RIMS2: variants seen among roughly 807,000 people sequenced by gnomAD.
RIMS2 encodes regulating synaptic membrane exocytosis protein 2.
RIMS2 carries 59 observed loss-of-function variants against 174.4 expected under a neutral mutation model. The ratio of observed to expected loss-of-function variants is 0.34; its 90% confidence interval spans 0.27 to 0.42. The LOEUF is 0.42. Among genes scored for constraint, RIMS2 ranks in the 10% least tolerant of loss-of-function variants. The pLI is 1.00. For missense variants in RIMS2, 1,620 were observed against 1,666.3 expected (o/e 0.97, Z 0.48); for synonymous variants, 606 against 572.5 (o/e 1.06, Z -0.84).
chr8:103,564,735 A>T (rs1010483028), intron 1 of RIMS2, among the ~76,000 whole-genome samples: 1 of 152,208 alleles, frequency 6.6e-6, no homozygotes, highest in Admixed American at 6.5e-5. Flanking sequence ...AGCTGTGATT[A>T]GATGGTGCCC....
chr8:103,600,821 A>G (rs28790017), intron 1 of RIMS2, among the ~76,000 whole-genome samples: 27,722 of 152,122 alleles, frequency 0.18, 2,771 homozygotes, highest in African/African-American at 0.26. Flanking sequence ...CCCACAGTGT[A>G]TGAGGGTTCC....
At chr8:103,814,759 G>A (rs904574104) in intron 3 of RIMS2, among the ~76,000 whole-genome samples, 16 of 152,030 alleles carry the variant, frequency 1.1e-4, no homozygotes, top group African/African-American at 4.8e-5. Context: ...CACACCTATA[G>A]TCCTAGCTAC....
intron 19 of RIMS2, among the ~76,000 whole-genome samples, chr8:104,125,144 A>G (rs1308669814): frequency 1.3e-5 from 2 of 152,172 alleles, no homozygotes; most frequent in Non-Finnish European, 2.9e-5. Context: ...CTGCATACAT[A>G]TAAATCTGGA....
intron 4 of RIMS2, among the ~76,000 whole-genome samples, chr8:103,908,329 C>T (rs2074952221): frequency 6.6e-6 from 1 of 152,196 alleles, no homozygotes; most frequent in Admixed American, 6.5e-5. Context: ...GCGTGAGCCA[C>T]CATGCCTGGC....
chr8:103,610,993 A>G (rs1205436375), intron 1 of RIMS2, among the ~76,000 whole-genome samples: 2 of 152,182 alleles, frequency 1.3e-5, no homozygotes, highest in African/African-American at 4.8e-5. Context: ...TACTGATTCA[A>G]TTATCGAACT....
chr8:103,950,323 G>A (rs1275261083), intron 14 of RIMS2, among the ~76,000 whole-genome samples: 1 of 151,926 alleles, frequency 6.6e-6, no homozygotes, highest in African/African-American at 2.4e-5. Flanking sequence ...AAAGAAATCT[G>A]CAGACCAATA....
chr8:104,184,097 C>T (rs1215469043), intron 19 of RIMS2, among the ~76,000 whole-genome samples: 1 of 151,598 alleles, frequency 6.6e-6, no homozygotes, highest in Non-Finnish European at 1.5e-5. Context: ...GAACAATGTG[C>T]TATCTATGTC....
At chr8:103,901,115 A>G (rs547037353) in intron 4 of RIMS2, among the ~76,000 whole-genome samples, 2 of 152,068 alleles carry the variant, frequency 1.3e-5, no homozygotes, top group African/African-American at 2.4e-5. Flanking sequence ...CCTCTATTTC[A>G]GGCTCCTCTT....
chr8:103,515,699 A>T (rs1394891407), intron 1 of RIMS2, among the ~76,000 whole-genome samples: 1 of 152,068 alleles, frequency 6.6e-6, no homozygotes, highest in Non-Finnish European at 1.5e-5. Flanking sequence ...TGAATTTCAG[A>T]TTTTTCAGAA....
intron 1 of RIMS2, among the ~76,000 whole-genome samples, chr8:103,613,633 T>C (rs998585852): frequency 2.0e-5 from 3 of 152,178 alleles, no homozygotes; most frequent in African/African-American, 7.2e-5. Context: ...TATTTCACTA[T>C]AGCCACCGCA....
At chr8:104,020,717 A>G (rs1163930689) in intron 19 of RIMS2, among the ~76,000 whole-genome samples, 1 of 152,054 alleles carries the variant, frequency 6.6e-6, no homozygotes, top group Non-Finnish European at 1.5e-5. Flanking sequence ...AAAACATTTT[A>G]AAGTAGAAGT....
intron 12 of RIMS2, among the ~76,000 whole-genome samples, chr8:103,933,516 T>A (rs2080501104): frequency 6.6e-6 from 1 of 152,156 alleles, no homozygotes; most frequent in Non-Finnish European, 1.5e-5. Flanking sequence ...AAAGATGAAA[T>A]GGAAGCTCTT....
At chr8:103,878,515 T>C (rs1285198264) in intron 3 of RIMS2, among the ~76,000 whole-genome samples, 2 of 151,840 alleles carry the variant, frequency 1.3e-5, no homozygotes, top group Admixed American at 6.6e-5. Flanking sequence ...ATTGGAGATA[T>C]TGATCTCTAT....
rs1237448762 is a variant in RIMS2, at chr8:103,876,870, A to AT, written c.699-8427dup. 4.1e-4 allele frequency among the ~76,000 whole-genome samples: 8 copies of AT among 19,746 alleles called. 1 individual carries two copies. The highest frequency in any genetic ancestry group is 7.2e-4 in the Non-Finnish European group (7 of 9,730). The allele number at this position is 19,746 out of a possible 152,430, so 13.0% of individuals were successfully genotyped here. On this transcript the variant is annotated intron_variant, in intron 3 of 23. Coordinates refer to ENST00000504942, the Ensembl canonical transcript of RIMS2. ...TATACACACACACACTATTTTATATATATATATATATATATATATATATAT... is the reference window on the plus strand; with the variant it reads ...TATACACACACACACTATTTTATATATTATATATATATATATATATATATAT...
chr8:103,796,083 T>C (rs2098548334), intron 3 of RIMS2, among the ~76,000 whole-genome samples: 2 of 152,098 alleles, frequency 1.3e-5, no homozygotes, highest in South Asian at 2.1e-4. Context: ...TTTTGATTAA[T>C]TTCATCCCCT....
In RIMS2 at chr8:103,593,204, T is replaced by C. The variant is rs1324860154; in HGVS notation, c.176+92142T>C. ...TCACTACCATGAATGTGACAGTATC[T>C]GAAGTTTTGAAGACTTTTCTGATGA... On this transcript the variant is annotated intron_variant, in intron 1 of 23. Coordinates refer to ENST00000504942, the Ensembl canonical transcript of RIMS2. 5.9e-5 allele frequency among the ~76,000 whole-genome samples: 9 copies of C among 151,586 alleles called. No homozygotes were observed. In the East Asian group the frequency reaches 1.7e-3, roughly 29 times the overall value.
chr8:104,188,174 G>C (rs1488560669), intron 19 of RIMS2, among the ~76,000 whole-genome samples: 1 of 151,358 alleles, frequency 6.6e-6, no homozygotes, highest in African/African-American at 2.4e-5. Context: ...CTTTTATTAG[G>C]GAAGGCGAAG....
intron 19 of RIMS2, among the ~76,000 whole-genome samples, chr8:104,154,204 A>G (rs902250966): frequency 6.6e-6 from 1 of 152,170 alleles, no homozygotes; most frequent in African/African-American, 2.4e-5. Flanking sequence ...AATTCCCCAA[A>G]TTTACCCAGC....
At chr8:103,679,486 A>G (rs952321807) in intron 1 of RIMS2, among the ~76,000 whole-genome samples, 7 of 151,966 alleles carry the variant, frequency 4.6e-5, no homozygotes, top group African/African-American at 1.7e-4. Context: ...TAATAGAGGT[A>G]GTTAACTTTT....
Sources: allele counts gnomAD v4.1 joint callset (sites outside exome capture counted in the v4.1 genomes callset), GRCh38; gene constraint gnomAD v4.1.1; transcripts MANE v1.5; gene names NCBI Gene and HGNC (gene_info 2026-07-23, HGNC 2026-07-21).